HIBCH: variants seen among roughly 807,000 people sequenced by gnomAD.
The protein encoded by HIBCH is 3-hydroxyisobutyryl-CoA hydrolase, also known as 3-hydroxyisobutyryl-CoA hydrolase, mitochondrial.
HIBCH carries 50 observed loss-of-function variants against 58.2 expected under a neutral mutation model. That is an observed-to-expected ratio of 0.86 (90% CI 0.68 to 1.09). The LOEUF (loss-of-function observed/expected upper bound fraction) is 1.09, where lower values mean the gene tolerates loss of function less well. Ranked by LOEUF, HIBCH falls within the 50% of genes least tolerant of loss-of-function variation. The probability of loss-of-function intolerance (pLI) is 0.00; values close to 1 mark genes in which losing one functional copy is unlikely to be tolerated. For synonymous variants in HIBCH, 151 were observed against 146.9 expected, an observed-to-expected ratio of 1.03 and a Z score of -0.20; for missense variants, 450 against 449.7, an observed-to-expected ratio of 1.00 and a Z score of -0.01.
chr2:190,226,588 T>C (rs1685904570), intron 11 of HIBCH, among the ~76,000 whole-genome samples: 2 of 88,934 alleles, frequency 2.2e-5, no homozygotes, highest in Admixed American at 1.7e-4. Context: ...AGAGTGAAAC[T>C]CCGTCTCAAA....
chr2:190,198,656 G>T (rs918099735), intron 1 of HIBCH, among the ~76,000 whole-genome samples: 2 of 130,024 alleles, frequency 1.5e-5, no homozygotes, highest in African/African-American at 5.8e-5. Flanking sequence ...AAAAAAAAAA[G>T]GTGTTTTCAG....
In HIBCH at chr2:190,207,108, T is replaced by A. The variant is rs1016581410; in HGVS notation, c.1045+1772A>T. The stretch of plus-strand genomic sequence containing the variant: ...CTGCTCTCCAGCCTGGGTGACAGAG[T>A]GAGACTCCATCTCAAAAAACAAAAC... On this transcript the variant is annotated intron_variant, in intron 13 of 13. Transcript: ENST00000359678. This position sits in a 1 kb window ranked among gnomAD's most constrained non-coding sequence, Gnocchi z 4.5. Among the ~76,000 whole-genome samples the A allele has an allele frequency of 5.9e-5, 9 of 152,034 alleles. No homozygotes were observed. The highest frequency in any genetic ancestry group is 8.8e-5 in the Non-Finnish European group (6 of 67,958).
At position 190,313,231 on chromosome 2, in the gene HIBCH, C is replaced by T. The variant is rs184211973; in HGVS notation, c.36-2435G>A. On this transcript the variant is annotated intron_variant, in intron 1 of 13. Coordinates refer to ENST00000359678, the MANE Select transcript of HIBCH (RefSeq NM_014362.4). ...GGCATGTTCGAGCTCACAGCCTATTCCCCTTATTTAAAAATGTTATTGCTT... is the reference window on the plus strand; with the variant it reads ...GGCATGTTCGAGCTCACAGCCTATTTCCCTTATTTAAAAATGTTATTGCTT... 1.1e-4 allele frequency among the ~76,000 whole-genome samples: 10 copies of T among 94,380 alleles called. No homozygotes were observed. In the East Asian group the frequency reaches 2.1e-3, roughly 20 times the overall value. The allele number at this position is 94,380 out of a possible 152,430, so 61.9% of individuals were successfully genotyped here.
chr2:190,232,886 A>G (rs550794797), intron 11 of HIBCH, among the ~76,000 whole-genome samples: 20 of 152,226 alleles, frequency 1.3e-4, no homozygotes, highest in African/African-American at 4.8e-4. Context: ...TGAACCCGGG[A>G]GGCGGAGCTT....
At position 190,306,433 on chromosome 2, in the gene HIBCH, G is replaced by A. The variant is rs1168463149; in HGVS notation, c.78+4321C>T. Among the ~76,000 whole-genome samples the A allele has an allele frequency of 6.6e-6, 1 of 152,108 alleles. No homozygotes were observed. The highest frequency in any genetic ancestry group is 6.5e-5 in the Admixed American group (1 of 15,278). Reference sequence around the variant, plus strand: ...TGCTGTGAGCCACCATGAAGAAGAAGGTAATGTCTTCCTCTGGGACAGACA... The same window carrying A: ...TGCTGTGAGCCACCATGAAGAAGAAAGTAATGTCTTCCTCTGGGACAGACA... On this transcript the variant is annotated intron_variant, in intron 2 of 13. Transcript: ENST00000359678. This position sits in a 1 kb window ranked among gnomAD's most constrained non-coding sequence, Gnocchi z 4.6.
At position 190,209,323 on chromosome 2, in the gene HIBCH, T is replaced by C. The variant is rs372219872; in HGVS notation, c.1012-410A>G. Among the ~76,000 whole-genome samples the C allele has an allele frequency of 1.3e-5, 2 of 152,310 alleles. No homozygotes were observed. Among genetic ancestry groups the C allele is most frequent in the South Asian group, 2.1e-4 (1 of 4,824 alleles). ...CCAACTAAACCCTATCACGTACCCC[T>C]GCCTGCACTTCAGCAGCTAAGTCTT... is the stretch of plus-strand genomic sequence containing the variant. On this transcript the variant is annotated intron_variant, in intron 12 of 13. Coordinates refer to ENST00000359678, the MANE Select transcript of HIBCH (RefSeq NM_014362.4). The surrounding 1 kb of genome is among the most constrained non-coding windows in gnomAD (Gnocchi z 5.6).
intron 9 of HIBCH, among the ~76,000 whole-genome samples, chr2:190,247,594 A>G (rs576317090): frequency 1.5e-4 from 23 of 152,264 alleles, no homozygotes; most frequent in African/African-American, 5.5e-4. Context: ...GACCTCTTGG[A>G]ATAATACCTC....
At chr2:190,226,102 G>A (rs1431695662) in intron 11 of HIBCH, among the ~76,000 whole-genome samples, 11 of 152,118 alleles carry the variant, frequency 7.2e-5, no homozygotes, top group Non-Finnish European at 1.3e-4. Context: ...TTGATGCGAC[G>A]TATCTCAAAA....
chr2:190,297,068 GAATA>G, intron 2 of HIBCH, 115 bp from the exon 3 acceptor site: 1 of 916,390 alleles, frequency 1.1e-6, no homozygotes, highest in East Asian at 2.6e-5. Flanking sequence ...CTAAAGGAAA[GAATA>G]ACTAGGTACA....
chr2:190,228,085 T>C (rs1315983608), intron 11 of HIBCH, among the ~76,000 whole-genome samples: 1 of 152,130 alleles, frequency 6.6e-6, no homozygotes, highest in Non-Finnish European at 1.5e-5. Flanking sequence ...CATGCTGCCA[T>C]AAAGACACAT....
chr2:190,290,391 C>A lies in HIBCH; in HGVS notation c.385+14G>T. On this transcript the variant is annotated intron_variant, in intron 5 of 13. Coordinates refer to ENST00000359678, the MANE Select transcript of HIBCH (RefSeq NM_014362.4). ...TTTATTCCATTTCCAAAGCTCTGAG[C>A]AGAATACACATACCAACAGCATTAT... 31 of 1,546,244 alleles carry A rather than the reference C, an allele frequency of 2.0e-5. No homozygotes were observed. Among genetic ancestry groups the A allele is most frequent in the Non-Finnish European group, 2.5e-5 (28 of 1,118,642 alleles).
At position 190,294,533 on chromosome 2, in the gene HIBCH, GAA is replaced by G; in HGVS notation, c.304+11_304+12del. ...GGGGAAAGAGCACTCAGGTGAAAGG[GAA>G]AAGTCTTTACCTCTGATATCACCCC... On this transcript the variant is annotated intron_variant, in intron 4 of 13. Transcript: ENST00000359678. 6.3e-7 allele frequency: 1 copy of G among 1,581,818 alleles called. No homozygotes were observed. Among genetic ancestry groups the G allele is most frequent in the Non-Finnish European group, 8.7e-7 (1 of 1,151,770 alleles).
At chr2:190,219,938 C>G (rs1685669440) in intron 11 of HIBCH, among the ~76,000 whole-genome samples, 1 of 152,206 alleles carries the variant, frequency 6.6e-6, no homozygotes, top group African/African-American at 2.4e-5. Flanking sequence ...CTTTCCTACT[C>G]TGTGACTCCA....
At chr2:190,311,915 G>A (rs1234287305) in intron 1 of HIBCH, among the ~76,000 whole-genome samples, 1 of 152,158 alleles carries the variant, frequency 6.6e-6, no homozygotes, top group African/African-American at 2.4e-5. Flanking sequence ...CTTGACCAAA[G>A]TGACCACTAA....
intron 11 of HIBCH, among the ~76,000 whole-genome samples, chr2:190,241,641 A>G (rs576932736): frequency 6.6e-6 from 1 of 152,136 alleles, no homozygotes; most frequent in Non-Finnish European, 1.5e-5. Flanking sequence ...TTCAGGAGCT[A>G]TTGTAATACA....
chr2:190,294,544 A>C lies in HIBCH; in HGVS notation c.304+2T>G. 6.2e-7 allele frequency: 1 copy of C among 1,603,034 alleles called. No homozygotes were observed. The highest frequency in any genetic ancestry group is 8.5e-7 in the Non-Finnish European group (1 of 1,170,848). ...ACTCAGGTGAAAGGGAAAAGTCTTT[A>C]CCTCTGATATCACCCCCGGCACAGA... is the stretch of plus-strand genomic sequence containing the variant. On this transcript the variant is annotated splice_donor_variant, in intron 4 of 13. Coordinates refer to ENST00000359678, the MANE Select transcript of HIBCH (RefSeq NM_014362.4). LOFTEE classifies it high-confidence loss of function.
intron 2 of HIBCH, among the ~76,000 whole-genome samples, chr2:190,308,055 C>A (rs563527473): frequency 6.6e-6 from 1 of 152,332 alleles, no homozygotes; most frequent in East Asian, 1.9e-4. Context: ...CTCAGAAAGG[C>A]CACAGAAGAA....
intron 6 of HIBCH, among the ~76,000 whole-genome samples, chr2:190,285,540 C>T (rs1191968224): frequency 6.6e-6 from 1 of 152,278 alleles, no homozygotes; most frequent in South Asian, 2.1e-4. Flanking sequence ...AAGCAATTCC[C>T]GGTCCTTATT....
intron 7 of HIBCH, among the ~76,000 whole-genome samples, chr2:190,253,423 A>C (rs1456458675): frequency 6.6e-6 from 1 of 152,208 alleles, no homozygotes; most frequent in Non-Finnish European, 1.5e-5. Flanking sequence ...ATGCTCCTGT[A>C]AACAGAAATA....
Sources: gnomAD v4.1 joint callset for allele counts (sites outside exome capture counted in the v4.1 genomes callset) on GRCh38, gnomAD v4.1.1 for gene constraint, Gnocchi (gnomAD v3.1) non-coding constraint, MANE v1.5 for transcripts, NCBI Gene and HGNC (gene_info 2026-07-23, HGNC 2026-07-21) for gene names.